The following GPC5 variants were observed in gnomAD, a reference collection of about 807,000 sequenced individuals.
GPC5 encodes glypican-5.
In GPC5, 47 loss-of-function variants were observed where a neutral mutation model predicts 53.9. That is an observed-to-expected ratio of 0.87 (90% CI 0.69 to 1.11). GPC5 has a LOEUF of 1.11. Ranked by LOEUF, GPC5 falls within the 50% of genes most tolerant of loss-of-function variation. GPC5 has a pLI of 0.00. For missense variants in GPC5, 748 were observed against 713.1 expected (o/e 1.05, Z -0.56); for synonymous variants, 286 against 263.3 (o/e 1.09, Z -0.84).
intron 6 of GPC5, among the ~76,000 whole-genome samples, chr13:91,932,047 CA>C (rs201530620): frequency 0.015 from 2,244 of 151,962 alleles, 44 homozygotes; most frequent in African/African-American, 0.052. Flanking sequence ...AAAATTAAAG[CA>C]AAAAAGTCCA....
At chr13:91,552,142 A>G (rs571449891) in intron 2 of GPC5, among the ~76,000 whole-genome samples, 1 of 152,188 alleles carries the variant, frequency 6.6e-6, no homozygotes, top group South Asian at 2.1e-4. Flanking sequence ...TTAATGATCA[A>G]TATTCTCATA....
intron 7 of GPC5, among the ~76,000 whole-genome samples, chr13:92,697,704 T>C (rs576456828): frequency 2.0e-5 from 3 of 152,224 alleles, no homozygotes; most frequent in African/African-American, 7.2e-5. Context: ...TCTTACCTGA[T>C]TGCCCTGGCC....
At chr13:91,528,492 A>G (rs1376435253) in intron 2 of GPC5, among the ~76,000 whole-genome samples, 1 of 152,200 alleles carries the variant, frequency 6.6e-6, no homozygotes, top group East Asian at 1.9e-4. Flanking sequence ...CGTTATCAGC[A>G]TATTGGTCAA....
chr13:91,569,548 C>A (rs549928492), intron 2 of GPC5, among the ~76,000 whole-genome samples: 2 of 152,134 alleles, frequency 1.3e-5, no homozygotes, highest in East Asian at 1.9e-4. Context: ...GGTGGTATAA[C>A]CCCCAATGAG....
At position 92,347,866 on chromosome 13, in the gene GPC5, A is replaced by ATATAT. The variant is rs2043428967; in HGVS notation, c.1561+202878_1561+202882dup. 5.2e-4 allele frequency among the ~76,000 whole-genome samples: 4 copies of ATATAT among 7,670 alleles called. No homozygotes were observed. The African/African-American group carries it at 5.5e-3, about 11-fold the overall frequency. The allele number at this position is 7,670 out of a possible 152,430, so 5.0% of individuals were successfully genotyped here. A position where few individuals can be genotyped will look rare whatever the true frequency, so the allele number is the denominator to read the frequency against. ...AGGCTGTTTTATACATATATATATT[A>ATATAT]TATATATAATATATATTATATATAT... On this transcript the variant is annotated intron_variant, in intron 7 of 7. Coordinates refer to ENST00000377067, the MANE Select transcript of GPC5 (RefSeq NM_004466.6).
At chr13:92,775,279 C>G (rs886850661) in intron 7 of GPC5, among the ~76,000 whole-genome samples, 2 of 152,118 alleles carry the variant, frequency 1.3e-5, no homozygotes, top group Non-Finnish European at 2.9e-5. Flanking sequence ...GTGTAATTTT[C>G]CTCAAATAAC....
intron 6 of GPC5, among the ~76,000 whole-genome samples, chr13:92,074,274 G>C (rs2041235780): frequency 6.6e-6 from 1 of 152,162 alleles, no homozygotes. Flanking sequence ...AGAAGTGAAA[G>C]TTGGATACCA....
chr13:92,587,748 T>C (rs192486151), intron 7 of GPC5, among the ~76,000 whole-genome samples: 1 of 152,240 alleles, frequency 6.6e-6, no homozygotes, highest in East Asian at 1.9e-4. Flanking sequence ...TCCCTGTAAA[T>C]GCTCAGCTTC....
chr13:92,763,528 T>A (rs1486262014), intron 7 of GPC5, among the ~76,000 whole-genome samples: 1 of 152,130 alleles, frequency 6.6e-6, no homozygotes, highest in Non-Finnish European at 1.5e-5. Context: ...ATGATCCTCT[T>A]GGTATCAGGT....
intron 7 of GPC5, among the ~76,000 whole-genome samples, chr13:92,381,889 T>TCATATATATCA (rs753025655): frequency 3.3e-5 from 4 of 122,176 alleles, no homozygotes; most frequent in South Asian, 2.4e-4. Context: ...ATTATATATA[T>TCATATATATCA]TATATATAAT....
chr13:91,888,410 T>C (rs1297858524), intron 5 of GPC5, among the ~76,000 whole-genome samples: 1 of 152,208 alleles, frequency 6.6e-6, no homozygotes, highest in East Asian at 1.9e-4. Context: ...GTGATCATTT[T>C]TGTAAATTAG....
intron 7 of GPC5, among the ~76,000 whole-genome samples, chr13:92,319,315 A>C (rs2043200218): frequency 2.0e-5 from 3 of 151,498 alleles, no homozygotes; most frequent in South Asian, 4.2e-4. Flanking sequence ...AAGGTAGAAC[A>C]CTCCTATAAA....
At chr13:92,127,811 C>G (rs888080055) in intron 6 of GPC5, among the ~76,000 whole-genome samples, 1 of 152,150 alleles carries the variant, frequency 6.6e-6, no homozygotes, top group African/African-American at 2.4e-5. Context: ...ATGAATTATT[C>G]ATGTGAAAAT....
intron 7 of GPC5, among the ~76,000 whole-genome samples, chr13:92,491,118 T>C (rs1271837463): frequency 1.3e-5 from 2 of 152,116 alleles, no homozygotes; most frequent in African/African-American, 2.4e-5. Flanking sequence ...AATTGCTGAT[T>C]ATTTCAGAAT....
At chr13:92,700,884 T>G in intron 7 of GPC5, among the ~76,000 whole-genome samples, 1 of 152,234 alleles carries the variant, frequency 6.6e-6, no homozygotes, top group African/African-American at 2.4e-5. Context: ...GATCATTCTC[T>G]GTCTTTGGCA....
At chr13:92,633,915 G>T (rs577538015) in intron 7 of GPC5, among the ~76,000 whole-genome samples, 97 of 152,002 alleles carry the variant, frequency 6.4e-4, no homozygotes, top group African/African-American at 2.0e-3. Flanking sequence ...GTGTACATGG[G>T]TTGCATATGT....
intron 7 of GPC5, among the ~76,000 whole-genome samples, chr13:92,523,507 T>C (rs1306164701): frequency 6.6e-6 from 1 of 152,146 alleles, no homozygotes; most frequent in Non-Finnish European, 1.5e-5. Flanking sequence ...ATTTTGTAAA[T>C]ACATACACAG....
intron 6 of GPC5, among the ~76,000 whole-genome samples, chr13:91,986,551 T>A (rs1027115423): frequency 6.6e-6 from 1 of 152,156 alleles, no homozygotes; most frequent in Non-Finnish European, 1.5e-5. Flanking sequence ...GTCCCAGATC[T>A]TCTACTCTCT....
Position 92,170,784 on chromosome 13 carries a change from T to C in GPC5, c.1561+25795T>C, listed in dbSNP as rs371074859. 5.9e-4 allele frequency among the ~76,000 whole-genome samples: 90 copies of C among 152,280 alleles called. 2 individuals are homozygous for C. In the South Asian group the frequency reaches 0.017, roughly 29 times the overall value. On this transcript the variant is annotated intron_variant, in intron 7 of 7. Transcript: ENST00000377067. The stretch of plus-strand genomic sequence containing the variant: ...CCAACTTTCCCAAAACTTCGCATGT[T>C]CACAGTTTCTACTAGAAACTGTTGT...
Sources: gnomAD v4.1 joint callset for allele counts (sites outside exome capture counted in the v4.1 genomes callset) on GRCh38, gnomAD v4.1.1 for gene constraint, MANE v1.5 for transcripts, NCBI Gene and HGNC (gene_info 2026-07-23, HGNC 2026-07-21) for gene names.